The following EGFLAM variants were observed in gnomAD, a reference collection of about 807,000 sequenced individuals.
EGFLAM encodes the protein EGF like, fibronectin type III and laminin G domains, also known as pikachurin.
Under a neutral mutation model 113.1 loss-of-function variants are expected in EGFLAM, and 79 were observed. The observed-to-expected ratio is 0.70, with a 90% CI of 0.58 to 0.84. The LOEUF is 0.84. Among genes scored for constraint, EGFLAM ranks in the 40% least tolerant of loss-of-function variants. The pLI is 0.00. For missense variants in EGFLAM, 1,265 were observed against 1,291.6 expected, an observed-to-expected ratio of 0.98 and a Z score of 0.32; for synonymous variants, 504 against 487.6, an observed-to-expected ratio of 1.03 and a Z score of -0.44.
At chr5:38,332,407 A>C (rs534695205) in intron 1 of EGFLAM, among the ~76,000 whole-genome samples, 3 of 151,990 alleles carry the variant, frequency 2.0e-5, no homozygotes, top group Non-Finnish European at 2.9e-5. Flanking sequence ...GTACCCAGAA[A>C]AGTTATATTT....
intron 20 of EGFLAM, 140 bp downstream of exon 20, chr5:38,458,534 A>C: frequency 1.3e-6 from 1 of 746,202 alleles, no homozygotes; most frequent in Non-Finnish European, 2.1e-6. Context: ...GCATTCAGGG[A>C]ATTTTCTACC....
rs376697397 is a variant in EGFLAM at position 38,316,264 on chromosome 5, G to A, written c.98-21256G>A. On this transcript the variant is annotated intron_variant, in intron 1 of 21. Transcript: ENST00000322350. ...CCAGGCTCTCTCTAGGATTCTGATTGAACATTTTACCTCTTTGGAGTGTGA... is the reference window on the plus strand; with the variant it reads ...CCAGGCTCTCTCTAGGATTCTGATTAAACATTTTACCTCTTTGGAGTGTGA... Among the ~76,000 whole-genome samples the A allele has an allele frequency of 2.8e-4, 42 of 152,106 alleles. No homozygotes were observed. The East Asian group carries it at 7.0e-3, about 25-fold the overall frequency.
intron 5 of EGFLAM, among the ~76,000 whole-genome samples, chr5:38,368,527 AC>A (rs1371963113): frequency 7.9e-5 from 12 of 152,116 alleles, no homozygotes; most frequent in African/African-American, 2.9e-4. Context: ...TCCGCTGTTC[AC>A]CCCGGCATCT....
At position 38,358,228 on chromosome 5, in the gene EGFLAM, G is replaced by A. The variant is rs1258255194; in HGVS notation, c.545+5897G>A. On this transcript the variant is annotated intron_variant, in intron 5 of 21. Coordinates refer to ENST00000322350, the MANE Select transcript of EGFLAM (RefSeq NM_152403.4). ...TGGGAGGCCGAGGTGGGTGGATCAC[G>A]AGGTCAGGAGATCAAGACCAGCCTG... Among the ~76,000 whole-genome samples, 7 of 151,602 alleles carry A rather than the reference G, an allele frequency of 4.6e-5. 1 individual carries two copies. The highest frequency in any genetic ancestry group is 1.5e-4 in the African/African-American group (6 of 41,276).
In EGFLAM at chr5:38,338,768, A is replaced by T. The variant is rs1314535102; in HGVS notation, c.278A>T (p.Asp93Val). The T allele has an allele frequency of 6.2e-7, 1 of 1,614,106 alleles. No homozygotes were observed. The highest frequency in any genetic ancestry group is 1.3e-5 in the African/African-American group (1 of 74,958). Residue 93 changes from aspartate to valine, a missense_variant, in exon 3 of 22, where the codon GAC becomes GTC. Coordinates refer to ENST00000322350, the MANE Select transcript of EGFLAM (RefSeq NM_152403.4). ...TTGCACAGCGTGCCTCTCAGCCGGG[A>T]CATCCCGACCACGGTGAGTCTTTCC... Reference protein sequence around the residue: ...EQLHSVPLSRDIPTTEEVIGD... With the variant: ...EQLHSVPLSRVIPTTEEVIGD...
At chr5:38,450,842 G>A (rs368926287) in intron 18 of EGFLAM, among the ~76,000 whole-genome samples, 12 of 152,226 alleles carry the variant, frequency 7.9e-5, no homozygotes, top group African/African-American at 2.6e-4. Flanking sequence ...AGACGCCATC[G>A]CTTGGGTATT....
intron 20 of EGFLAM, among the ~76,000 whole-genome samples, chr5:38,459,032 C>CT (rs896965081): frequency 4.6e-5 from 7 of 151,194 alleles, no homozygotes; most frequent in African/African-American, 1.2e-4. Context: ...CTCCCTCTGG[C>CT]TTTTTTTTGT....
chr5:38,313,678 T>A (rs1738514824), intron 1 of EGFLAM, among the ~76,000 whole-genome samples: 1 of 152,188 alleles, frequency 6.6e-6, no homozygotes, highest in Admixed American at 6.5e-5. Context: ...TTAAAAAAAC[T>A]TGTCTCGATT....
chr5:38,259,646 T>G (rs1757450035), intron 1 of EGFLAM, among the ~76,000 whole-genome samples: 1 of 152,252 alleles, frequency 6.6e-6, no homozygotes, highest in South Asian at 2.1e-4. Flanking sequence ...AAATAACGAT[T>G]TTTATTACTT....
intron 1 of EGFLAM, among the ~76,000 whole-genome samples, chr5:38,314,287 T>G (rs567623174): frequency 6.6e-6 from 1 of 152,332 alleles, no homozygotes; most frequent in South Asian, 2.1e-4. Context: ...TATCATAAAT[T>G]AAGTTTTTAT....
At chr5:38,370,568 G>C in intron 6 of EGFLAM, 106 bp downstream of exon 6, 1 of 1,371,892 alleles carries the variant, frequency 7.3e-7, no homozygotes, top group South Asian at 1.5e-5. Flanking sequence ...GCCTGGAAAA[G>C]GGCTAACCCC....
At chr5:38,450,749 C>T (rs969844182) in intron 18 of EGFLAM, among the ~76,000 whole-genome samples, 5 of 152,314 alleles carry the variant, frequency 3.3e-5, no homozygotes, top group South Asian at 2.1e-4. Context: ...CTCCTTTCCT[C>T]GAAGCTTCCT....
At chr5:38,285,345 G>C (rs1758131146) in intron 1 of EGFLAM, among the ~76,000 whole-genome samples, 1 of 152,138 alleles carries the variant, frequency 6.6e-6, no homozygotes, top group African/African-American at 2.4e-5. Flanking sequence ...ACTTTTTCTT[G>C]TTGTACTTGT....
At chr5:38,270,299 G>A (rs905959187) in intron 1 of EGFLAM, among the ~76,000 whole-genome samples, 7 of 152,164 alleles carry the variant, frequency 4.6e-5, no homozygotes, top group Non-Finnish European at 7.3e-5. Context: ...CCACCCAGAT[G>A]ACACTCTGAA....
At chr5:38,341,207 C>T (rs1479759774) in intron 3 of EGFLAM, among the ~76,000 whole-genome samples, 4 of 152,138 alleles carry the variant, frequency 2.6e-5, no homozygotes, top group Admixed American at 6.5e-5. Flanking sequence ...TCCGTTCTCA[C>T]GCTGCTAATA....
At position 38,438,450 on chromosome 5, in the gene EGFLAM, A is replaced by G. The variant is rs1466623650; in HGVS notation, c.2459A>G (p.Gln820Arg). The change falls in exon 17 of 22, where the codon CAG (glutamine) becomes CGG (arginine). Residue 820 changes from glutamine to arginine, a missense_variant. By Grantham distance (43) the Gln-to-Arg change is conservative (BLOSUM62 1). Transcript: ENST00000322350. ...TTGGGCTTTGAGGGGCTTCACTGCC[A>G]GAAAGGTACGCTCAGGGGTCTGAGG... ...CPLGFEGLHCQKAIIEAIEIP... is the reference protein window; with the variant it reads ...CPLGFEGLHCRKAIIEAIEIP... 1 of 1,607,770 alleles carries G rather than the reference A, an allele frequency of 6.2e-7. No individual in the cohort carries two copies. Among genetic ancestry groups the G allele is most frequent in the Non-Finnish European group, 8.5e-7 (1 of 1,175,844 alleles).
chr5:38,344,411 G>A (rs564818726), intron 3 of EGFLAM, among the ~76,000 whole-genome samples: 1 of 151,832 alleles, frequency 6.6e-6, no homozygotes, highest in African/African-American at 2.4e-5. Context: ...ACTTGAACCT[G>A]GGAGGCAGTT....
intron 1 of EGFLAM, among the ~76,000 whole-genome samples, chr5:38,331,547 T>C (rs1739042752): frequency 6.6e-6 from 1 of 152,204 alleles, no homozygotes; most frequent in Admixed American, 6.5e-5. Flanking sequence ...GTTTCCTCGA[T>C]GTGGAAACTT....
intron 17 of EGFLAM, among the ~76,000 whole-genome samples, chr5:38,441,650 G>A (rs1460662800): frequency 6.7e-6 from 1 of 150,092 alleles, no homozygotes; most frequent in Non-Finnish European, 1.5e-5. Context: ...AATGGGAGGA[G>A]GCTTCTATGG....
Sources: allele counts gnomAD v4.1 joint callset (sites outside exome capture counted in the v4.1 genomes callset), GRCh38; gene constraint gnomAD v4.1.1; transcripts MANE v1.5; gene names NCBI Gene and HGNC (gene_info 2026-07-23, HGNC 2026-07-21).